Variants in BRWD1 observed in about 807,000 individuals in gnomAD.
BRWD1 encodes the protein bromodomain and WD repeat-containing protein 1.
In BRWD1, 82 loss-of-function variants were observed where a neutral mutation model predicts 251.2. The ratio of observed to expected loss-of-function variants is 0.33; its 90% CI spans 0.27 to 0.39. The LOEUF (loss-of-function observed/expected upper bound fraction) is 0.39. Among genes scored for constraint, BRWD1 ranks in the 10% least tolerant of loss-of-function variants. The pLI, the probability that BRWD1 is intolerant of heterozygous loss-of-function variation, is 1.00. For synonymous variants in BRWD1, 918 were observed against 902.8 expected, an observed-to-expected ratio of 1.02 and a Z score of -0.30; for missense variants, 2,233 against 2,711.6, an observed-to-expected ratio of 0.82 and a Z score of 3.92.
At position 39,195,032 on chromosome 21, in the gene BRWD1, G is replaced by A; in HGVS notation, c.*1227C>T. The A allele has an allele frequency of 7.4e-7, 1 of 1,348,898 alleles. No individual in the cohort carries two copies. Among genetic ancestry groups the A allele is most frequent in the Admixed American group, 3.4e-5 (1 of 29,538 alleles). 83.6% of individuals were successfully genotyped at this position (1,348,898 alleles called of 1,614,324 possible). A position where few individuals can be genotyped will look rare whatever the true frequency, so the allele number is the denominator to read the frequency against. On this transcript the variant is annotated 3_prime_UTR_variant, in exon 41 of 41. Transcript: ENST00000342449. ...GAGTAGCATAACCTATCAAGTATTT[G>A]GTTAGAAAATAAGTGTACTATTTGT...
In BRWD1 at chr21:39,220,204, T is replaced by C. The variant is rs375078685; in HGVS notation, c.3383-1544A>G. ...CCTGGGCTGGTCTCCTCAGGTATTC[T>C]GGTGAATACTGATCAACCCACACGT... On this transcript the variant is annotated intron_variant, in intron 29 of 40. Transcript: ENST00000342449. 2.8e-3 allele frequency among the ~76,000 whole-genome samples: 424 copies of C among 152,258 alleles called. 4 individuals are homozygous for C. Among genetic ancestry groups the C allele is most frequent in the African/African-American group, 0.01 (416 of 41,536 alleles).
At chr21:39,282,141 G>A (rs771599081) in intron 8 of BRWD1, among the ~76,000 whole-genome samples, 1 of 152,030 alleles carries the variant, frequency 6.6e-6, no homozygotes, top group Non-Finnish European at 1.5e-5. Flanking sequence ...CAGGCATGGT[G>A]GCGCATGCTT....
At chr21:39,314,373 A>G (rs2036647206), upstream of BRWD1, 1 of 455,116 alleles carries the variant, frequency 2.2e-6, no homozygotes, top group South Asian at 1.6e-5. Context: ...TCGGGGGAGC[A>G]GCGCGCAGCT....
chr21:39,218,189 A>G lies in BRWD1; in HGVS notation c.3622T>C (p.Tyr1208His), dbSNP rs541733768. 5 of 1,611,260 alleles carry G rather than the reference A, an allele frequency of 3.1e-6. No homozygotes were observed. The highest frequency in any genetic ancestry group is 3.4e-6 in the Non-Finnish European group (4 of 1,179,340). Residue 1208 changes from tyrosine to histidine, a missense_variant, in exon 31 of 41, where the codon TAC (tyrosine) becomes CAC (histidine). Around this residue, in one of 12 missense-constraint regions of BRWD1, gnomAD observed 167 missense variants for 183.2 expected, o/e 0.91. Transcript: ENST00000342449. Reference sequence around the variant, plus strand: ...TTAACAAGTCTCATTCGAATTGTGTAAAGATCGGTTGGATAAGCTACTACA... The same window carrying G: ...TTAACAAGTCTCATTCGAATTGTGTGAAGATCGGTTGGATAAGCTACTACA... ...CTVVAYPTDL[Y>H]TIRMRLVNRF...
At position 39,192,396 on chromosome 21, in the gene BRWD1, G is replaced by A. The variant is rs1022187964; in HGVS notation, c.*3863C>T. Reference sequence around the variant, plus strand: ...TTATTCCTTCTCTTCCCAAATACTAGGATAAGAGACAGTCTCAAACTGTTA... The same window carrying A: ...TTATTCCTTCTCTTCCCAAATACTAAGATAAGAGACAGTCTCAAACTGTTA... On this transcript the variant is annotated 3_prime_UTR_variant, in exon 41 of 41. Coordinates refer to ENST00000342449, the MANE Select transcript of BRWD1 (RefSeq NM_033656.4). 2 of 984,984 alleles carry A rather than the reference G, an allele frequency of 2.0e-6. No homozygotes were observed. The highest frequency in any genetic ancestry group is 2.3e-4 in the East Asian group (2 of 8,820). The allele number at this position is 984,984 out of a possible 1,614,324, so 61.0% of individuals were successfully genotyped here. A position where few individuals can be genotyped will look rare whatever the true frequency, so the allele number is the denominator to read the frequency against.
chr21:39,300,597 C>A (rs1002728206), intron 4 of BRWD1, among the ~76,000 whole-genome samples: 2 of 152,196 alleles, frequency 1.3e-5, no homozygotes, highest in Non-Finnish European at 2.9e-5. Flanking sequence ...GTCTCACACA[C>A]TAACTGCTTG....
chr21:39,315,162 AATTTTTAT>A (rs1309358217), upstream of BRWD1, among the ~76,000 whole-genome samples: 25 of 151,952 alleles, frequency 1.6e-4, no homozygotes, highest in Middle Eastern at 3.4e-3. Context: ...ACGTCCGGCT[AATTTTTAT>A]ATTTTTATAT....
intron 8 of BRWD1, among the ~76,000 whole-genome samples, chr21:39,282,947 G>C (rs892033399): frequency 7.0e-6 from 1 of 143,254 alleles, no homozygotes; most frequent in Non-Finnish European, 1.5e-5. Flanking sequence ...CAACAAGAGC[G>C]GAACTCCGTC....
chr21:39,235,559 G>T, intron 23 of BRWD1: 1 of 206,316 alleles, frequency 4.8e-6, no homozygotes. Context: ...CCAGTGTTTG[G>T]AGAAGATCTG....
chr21:39,247,061 A>G (rs1484938583), intron 21 of BRWD1, among the ~76,000 whole-genome samples: 2 of 151,430 alleles, frequency 1.3e-5, no homozygotes, highest in African/African-American at 2.4e-5. Flanking sequence ...CAGGCAAGAC[A>G]ACGAGACTCC....
At chr21:39,298,106 C>G (rs2036006813) in intron 5 of BRWD1, 7 of 1,010,134 alleles carry the variant, frequency 6.9e-6, no homozygotes, top group Non-Finnish European at 8.3e-6. Flanking sequence ...TAGACACATA[C>G]AATTACATTC....
At chr21:39,210,528 A>C (rs1262584722) in intron 35 of BRWD1, among the ~76,000 whole-genome samples, 3 of 152,142 alleles carry the variant, frequency 2.0e-5, no homozygotes. Flanking sequence ...GCCTACTTAG[A>C]TAGAAATCTA....
intron 37 of BRWD1, 52 bp downstream of exon 37, chr21:39,206,054 ACT>A (rs1300973580): frequency 1.7e-5 from 26 of 1,518,474 alleles, no homozygotes; most frequent in Non-Finnish European, 2.1e-5. Flanking sequence ...ACACAGTGAG[ACT>A]CTCTCCAAAA....
chr21:39,198,066 C>T (rs184573458), intron 40 of BRWD1, among the ~76,000 whole-genome samples: 12 of 152,302 alleles, frequency 7.9e-5, no homozygotes, highest in Admixed American at 3.9e-4. Context: ...TCACTTAACA[C>T]TCAGCCTCTC....
intron 19 of BRWD1, among the ~76,000 whole-genome samples, chr21:39,254,883 A>G (rs116541579): frequency 0.015 from 2,317 of 152,326 alleles, 57 homozygotes; most frequent in African/African-American, 0.053. Context: ...AACTGAAAAC[A>G]TTTATGACAC....
chr21:39,255,190 C>T (rs2034521828), intron 19 of BRWD1, among the ~76,000 whole-genome samples: 1 of 152,040 alleles, frequency 6.6e-6, no homozygotes, highest in Non-Finnish European at 1.5e-5. Flanking sequence ...GCAGGTGGAG[C>T]GCCTGAGGTC....
In BRWD1 at chr21:39,313,491, TGGCCGGG is replaced by T; in HGVS notation, c.-7_-1del. 1 of 1,106,298 alleles carries T rather than the reference TGGCCGGG, an allele frequency of 9.0e-7. No individual in the cohort carries two copies. Among genetic ancestry groups the T allele is most frequent in the Non-Finnish European group, 1.1e-6 (1 of 905,048 alleles). 68.5% of individuals were successfully genotyped at this position (1,106,298 alleles called of 1,614,324 possible). A position where few individuals can be genotyped will look rare whatever the true frequency, so the allele number is the denominator to read the frequency against. On this transcript the variant is annotated 5_prime_UTR_variant, in exon 1 of 41. Coordinates refer to ENST00000342449, the MANE Select transcript of BRWD1 (RefSeq NM_033656.4). ...CGTCGGGCGGACGACGGCTCCGCCA[TGGCCGGG>T]CGCGGGGCGGGAGGCGGGAGCGAGC...
At chr21:39,315,962 A>G (rs984690580), upstream of BRWD1, 2 of 152,240 alleles carry the variant, frequency 1.3e-5, no homozygotes, top group Non-Finnish European at 2.9e-5. Flanking sequence ...GAGGGCCAAG[A>G]CATGAATATG....
Position 39,186,879 on chromosome 21 carries a change from G to GGGA in BRWD1, c.*9377_*9379dup. ...GCACATGTCTGTACAAGAGCTGACT[G>GGGA]GGAGGAACCCACTGGATTATGGCTT... On this transcript the variant is annotated 3_prime_UTR_variant, in exon 41 of 41. Transcript: ENST00000342449. 5 of 1,350,768 alleles carry GGGA rather than the reference G, an allele frequency of 3.7e-6. No homozygotes were observed. Among genetic ancestry groups the GGGA allele is most frequent in the Non-Finnish European group, 4.9e-6 (5 of 1,019,198 alleles). 83.7% of individuals were successfully genotyped at this position (1,350,768 alleles called of 1,614,324 possible).
Sources: gnomAD v4.1 joint callset for allele counts (sites outside exome capture counted in the v4.1 genomes callset) on GRCh38, gnomAD v4.1.1 for gene constraint, gnomAD v4.1.1 regional missense constraint, MANE v1.5 for transcripts, NCBI Gene and HGNC (gene_info 2026-07-23, HGNC 2026-07-21) for gene names.